DMD: variants seen among roughly 807,000 people sequenced by gnomAD.
The protein encoded by DMD is mutant dystrophin.
DMD carries 63 observed loss-of-function variants against 330.1 expected under a neutral mutation model. The ratio of observed to expected loss-of-function variants is 0.19; its 90% CI spans 0.16 to 0.24. The LOEUF (loss-of-function observed/expected upper bound fraction) is 0.24, where lower values mean the gene tolerates loss of function less well. Ranked by LOEUF, DMD falls within the 10% of genes least tolerant of loss-of-function variation. The pLI, the probability that DMD is intolerant of heterozygous loss-of-function variation, is 1.00. For synonymous variants in DMD, 1,223 were observed against 959.8 expected, an observed-to-expected ratio of 1.27 and a Z score of -5.07; for missense variants, 3,344 against 2,684.1, an observed-to-expected ratio of 1.25 and a Z score of -5.43.
In DMD at chrX:32,348,587, CA is replaced by C. The variant is rs1171214900; in HGVS notation, c.5326-60del. On this transcript the variant is annotated intron_variant, in intron 37 of 78. Coordinates refer to ENST00000357033, the MANE Select transcript of DMD (RefSeq NM_004006.3). ...ATTACTTTTTATTAGAAACATAAAC[CA>C]AAAGAAATACATTTATTCAACCTCC... is the stretch of plus-strand genomic sequence containing the variant. 3.9e-6 allele frequency: 4 copies of C among 1,013,597 alleles called. No individual in the cohort carries two copies. The African/African-American group carries it at 7.6e-5, about 19-fold the overall frequency. The allele number at this position is 1,013,597 out of a possible 1,213,427, so 83.5% of individuals were successfully genotyped here. A position where few individuals can be genotyped will look rare whatever the true frequency, so the allele number is the denominator to read the frequency against.
intron 5 of DMD, among the ~76,000 whole-genome samples, chrX:32,818,920 G>T (rs1028512427): frequency 1.1e-4 from 12 of 109,807 alleles, no homozygotes; most frequent in Admixed American, 2.9e-4. Flanking sequence ...TTGTCTATGG[G>T]GTTTGAATAA....
chrX:32,023,379 C>A (rs1447571534), intron 44 of DMD, among the ~76,000 whole-genome samples: 1 of 111,352 alleles, frequency 9.0e-6, no homozygotes, highest in African/African-American at 3.3e-5. Flanking sequence ...CTACCCTCTT[C>A]ACTAACAGAA....
rs182602279 is a variant in DMD, at chrX:33,273,166, T to G, written c.7+66093A>C. On this transcript the variant is annotated intron_variant, in intron 1 of 17. Transcript: ENST00000288447. ...CACACAGTTGAGCTCTGAACAACAA[T>G]GTAACATCAAACAGTGACCCTGTTG... Among the ~76,000 whole-genome samples the G allele has an allele frequency of 9.6e-4, 108 of 112,401 alleles. No homozygotes were observed. In the South Asian group the frequency reaches 9.9e-3, roughly 10 times the overall value.
At chrX:32,034,289 CA>C (rs2095920767) in intron 44 of DMD, among the ~76,000 whole-genome samples, 1 of 111,815 alleles carries the variant, frequency 8.9e-6, no homozygotes, top group Admixed American at 9.5e-5. Flanking sequence ...ACACTTCAAA[CA>C]ACAAATTTAG....
At chrX:31,659,946 C>T (rs754280985) in intron 53 of DMD, among the ~76,000 whole-genome samples, 1 of 111,805 alleles carries the variant, frequency 8.9e-6, no homozygotes, top group African/African-American at 3.2e-5. Context: ...ATGATATTTA[C>T]AGAATAAAAA....
At chrX:33,034,850 T>G (rs570779865) in intron 1 of DMD, among the ~76,000 whole-genome samples, 1 of 112,170 alleles carries the variant, frequency 8.9e-6, no homozygotes, top group South Asian at 3.7e-4. Flanking sequence ...ACTAAAATAA[T>G]AACTATCTCA....
intron 55 of DMD, among the ~76,000 whole-genome samples, chrX:31,566,243 A>C (rs6631342): frequency 0.072 from 8,064 of 111,485 alleles, 325 homozygotes; most frequent in Admixed American, 0.18. Context: ...ATTTAAGTCC[A>C]TGATCTATTT....
intron 62 of DMD, among the ~76,000 whole-genome samples, chrX:31,278,165 C>T (rs958774248): frequency 2.9e-4 from 32 of 110,954 alleles, no homozygotes; most frequent in African/African-American, 9.5e-4. Context: ...ACCAGGATGA[C>T]ATATAAAATT....
chrX:31,716,194 G>GT (rs1238925311), intron 52 of DMD, among the ~76,000 whole-genome samples: 2 of 111,968 alleles, frequency 1.8e-5, no homozygotes, highest in African/African-American at 6.5e-5. Flanking sequence ...TCCCATCTCC[G>GT]TATCTCTAGC....
At chrX:32,952,339 G>T (rs1445620041) in intron 2 of DMD, among the ~76,000 whole-genome samples, 1 of 110,153 alleles carries the variant, frequency 9.1e-6, no homozygotes, top group Non-Finnish European at 1.9e-5. Context: ...TCACCGCGTT[G>T]GTCAGGCTGG....
At chrX:32,447,474 A>C (rs749805978) in intron 27 of DMD, among the ~76,000 whole-genome samples, 77 of 111,418 alleles carry the variant, frequency 6.9e-4, no homozygotes, top group Middle Eastern at 9.3e-3. Context: ...GGAAAATGAT[A>C]ATACTGTATT....
intron 55 of DMD, among the ~76,000 whole-genome samples, chrX:31,542,963 T>C (rs1366821408): frequency 9.0e-6 from 1 of 111,586 alleles, no homozygotes; most frequent in African/African-American, 3.3e-5. Context: ...CCAGCCCCTC[T>C]GCTGTTACAT....
chrX:32,465,442 T>C (rs759723091), intron 23 of DMD, among the ~76,000 whole-genome samples: 1 of 111,266 alleles, frequency 9.0e-6, no homozygotes, highest in South Asian at 3.7e-4. Flanking sequence ...TTTAATGTGA[T>C]TATTAATAAT....
intron 25 of DMD, among the ~76,000 whole-genome samples, chrX:32,462,652 T>A (rs2098387656): frequency 9.0e-6 from 1 of 111,132 alleles, no homozygotes. Flanking sequence ...TGAATCTTAA[T>A]TGTTATTTAA....
chrX:32,728,291 G>A (rs753335694), intron 7 of DMD, among the ~76,000 whole-genome samples: 126 of 111,919 alleles, frequency 1.1e-3, no homozygotes, highest in African/African-American at 3.8e-3. Flanking sequence ...AGTATTACAC[G>A]CATAAGTAAA....
intron 1 of DMD, among the ~76,000 whole-genome samples, chrX:33,322,494 G>GTC (rs1455599196): frequency 1.8e-5 from 2 of 111,348 alleles, no homozygotes; most frequent in Non-Finnish European, 3.8e-5. Flanking sequence ...AATGACAATA[G>GTC]TAACTTCAAA....
In DMD at chrX:31,178,621, T is replaced by C. The variant is rs200262697; in HGVS notation, c.10223+48A>G. The C allele has an allele frequency of 7.5e-5, 89 of 1,182,473 alleles. 1 individual carries two copies. The African/African-American group carries it at 1.2e-3, about 16-fold the overall frequency. On this transcript the variant is annotated intron_variant, in intron 70 of 78. Coordinates refer to ENST00000357033, the MANE Select transcript of DMD (RefSeq NM_004006.3). ...AGGAGGGTGTTCAGCTGAGAGGAGTTCAAATATACATCAAACAAGAGTGTG... is the reference window on the plus strand; with the variant it reads ...AGGAGGGTGTTCAGCTGAGAGGAGTCCAAATATACATCAAACAAGAGTGTG...
intron 63 of DMD, among the ~76,000 whole-genome samples, chrX:31,237,485 A>C (rs2047844055): frequency 8.9e-6 from 1 of 112,317 alleles, no homozygotes; most frequent in Admixed American, 9.4e-5. Context: ...CCTGCTGAAG[A>C]CACTAATATG....
At chrX:31,134,666 C>T (rs1286222598) in intron 76 of DMD, among the ~76,000 whole-genome samples, 1 of 111,950 alleles carries the variant, frequency 8.9e-6, no homozygotes, top group African/African-American at 3.2e-5. Flanking sequence ...CATGATCTGC[C>T]CACCTCAGCC....
Sources: gnomAD v4.1 joint callset for allele counts (sites outside exome capture counted in the v4.1 genomes callset) on GRCh38, gnomAD v4.1.1 for gene constraint, MANE v1.5 for transcripts, NCBI Gene and HGNC (gene_info 2026-07-23, HGNC 2026-07-21) for gene names.